Variants in IGFL2 observed in about 807,000 individuals in gnomAD.
The protein encoded by IGFL2 is insulin growth factor-like family member 2.
A neutral mutation model predicts 13.9 loss-of-function variants in IGFL2; 7 were observed. The ratio of observed to expected loss-of-function variants is 0.51; its 90% CI spans 0.29 to 0.95. The LOEUF is 0.95. Among genes scored for constraint, IGFL2 ranks in the 40% least tolerant of loss-of-function variants. The pLI is 0.08. For missense variants in IGFL2, 138 were observed against 147.8 expected (o/e 0.93, Z 0.34); for synonymous variants, 55 against 55.8 (o/e 0.99, Z 0.07).
At chr19:46,150,816 C>T (rs773212408) in intron 1 of IGFL2, among the ~76,000 whole-genome samples, 1 of 152,020 alleles carries the variant, frequency 6.6e-6, no homozygotes, top group Non-Finnish European at 1.5e-5. Flanking sequence ...ACCACAGGCA[C>T]GCACCACCAC....
chr19:46,188,149 A>G, the IGFL2 span, among the ~76,000 whole-genome samples: 4 of 152,174 alleles, frequency 2.6e-5, no homozygotes, highest in African/African-American at 9.7e-5. Flanking sequence ...AGAGTCTCCA[A>G]AAGTTCCAGT....
chr19:46,209,286 T>C, the IGFL2 span: 1 of 152,282 alleles, frequency 6.6e-6, no homozygotes, highest in Non-Finnish European at 1.5e-5. Flanking sequence ...TTGGTGAGAA[T>C]TGTTGCCTGA....
chr19:46,165,977 G>A (rs1022631945), downstream of IGFL2, among the ~76,000 whole-genome samples: 1 of 152,162 alleles, frequency 6.6e-6, no homozygotes, highest in African/African-American at 2.4e-5. Context: ...ATTGTATCTC[G>A]GACATGCATA....
the IGFL2 span, among the ~76,000 whole-genome samples, chr19:46,083,830 G>A: frequency 1.3e-5 from 2 of 152,166 alleles, no homozygotes; most frequent in Non-Finnish European, 2.9e-5. Flanking sequence ...TTCTGGGGTA[G>A]GCCCTGGAAC....
the IGFL2 span, among the ~76,000 whole-genome samples, chr19:46,082,391 A>G: frequency 1.3e-5 from 2 of 152,180 alleles, no homozygotes; most frequent in Non-Finnish European, 1.5e-5. Context: ...AGAGACTGTA[A>G]TTCTCTTGAT....
chr19:46,107,195 G>T, the IGFL2 span, among the ~76,000 whole-genome samples: 1 of 152,156 alleles, frequency 6.6e-6, no homozygotes, highest in South Asian at 2.1e-4. Context: ...AGGTAATGTG[G>T]AGTGGGTAGC....
chr19:46,116,471 C>G, the IGFL2 span, among the ~76,000 whole-genome samples: 1 of 152,174 alleles, frequency 6.6e-6, no homozygotes, highest in Admixed American at 6.5e-5. Context: ...TTTGCTGATT[C>G]AGATATATTG....
At chr19:46,200,473 C>CCTTTTCTTTTCTTCTCTTTTCCTTT in the IGFL2 span, among the ~76,000 whole-genome samples, 1 of 134,174 alleles carries the variant, frequency 7.5e-6, no homozygotes, top group African/African-American at 2.8e-5. Flanking sequence ...CACACCTGGC[C>CCTTTTCTTTTCTTCTCTTTTCCTTT]CTTTTCTTTT....
the IGFL2 span, among the ~76,000 whole-genome samples, chr19:46,199,903 A>G: frequency 3.3e-5 from 5 of 152,152 alleles, no homozygotes; most frequent in East Asian, 1.9e-4. Flanking sequence ...ATTGAGACGG[A>G]GTCTCGCTCT....
the IGFL2 span, among the ~76,000 whole-genome samples, chr19:46,167,231 C>T: frequency 1.6e-4 from 24 of 152,288 alleles, no homozygotes; most frequent in South Asian, 4.1e-4. Context: ...CCTGACTTCC[C>T]GCAACAGGTA....
At chr19:46,161,318 C>CTTTTT (rs71175262), downstream of IGFL2, 9 of 239,084 alleles carry the variant, frequency 3.8e-5, no homozygotes, top group Admixed American at 5.6e-5. Flanking sequence ...CGTCTCCTTT[C>CTTTTT]TTTTTTTTTT....
At chr19:46,213,965 C>G in the IGFL2 span, 2 of 152,664 alleles carry the variant, frequency 1.3e-5, no homozygotes, top group Non-Finnish European at 2.9e-5. Context: ...CGGGACGGCC[C>G]CACGGAAGAT....
the IGFL2 span, among the ~76,000 whole-genome samples, chr19:46,178,544 G>A: frequency 3.0e-3 from 453 of 152,196 alleles, 2 homozygotes; most frequent in African/African-American, 9.8e-3. Flanking sequence ...TTAAATGAGA[G>A]TCTGACACCT....
chr19:46,124,303 G>C, the IGFL2 span: 1 of 1,610,520 alleles, frequency 6.2e-7, no homozygotes, highest in Non-Finnish European at 8.5e-7. Flanking sequence ...GAGGAAGACT[G>C]TTATCCAGCA....
the IGFL2 span, chr19:46,204,328 G>GT: frequency 6.6e-6 from 1 of 152,330 alleles, no homozygotes; most frequent in Non-Finnish European, 1.5e-5. Flanking sequence ...GACTGGGGGG[G>GT]GTTGCTGGGC....
the IGFL2 span, among the ~76,000 whole-genome samples, chr19:46,104,139 G>C: frequency 3.6e-4 from 55 of 152,324 alleles, no homozygotes; most frequent in South Asian, 0.011. Flanking sequence ...TAGCCTGCTG[G>C]AAGACTGGAA....
the IGFL2 span, among the ~76,000 whole-genome samples, chr19:46,175,407 C>T: frequency 1.3e-5 from 2 of 152,292 alleles, no homozygotes; most frequent in East Asian, 3.9e-4. Context: ...CATCACTCTA[C>T]AATGCCTCCA....
the IGFL2 span, among the ~76,000 whole-genome samples, chr19:46,127,639 A>G: frequency 6.6e-6 from 1 of 152,190 alleles, no homozygotes; most frequent in Non-Finnish European, 1.5e-5. Context: ...GTAGGTGGGT[A>G]GATAGGTAGG....
At chr19:46,201,335 C>G in the IGFL2 span, among the ~76,000 whole-genome samples, 2 of 152,384 alleles carry the variant, frequency 1.3e-5, no homozygotes, top group East Asian at 3.9e-4. Flanking sequence ...CATAAAAATG[C>G]CCCAGCCTTG....
Sources: gnomAD v4.1 joint callset for allele counts (sites outside exome capture counted in the v4.1 genomes callset) on GRCh38, gnomAD v4.1.1 for gene constraint, MANE v1.5 for transcripts, NCBI Gene and HGNC (gene_info 2026-07-23, HGNC 2026-07-21) for gene names.